Variants in NME7 observed in about 807,000 individuals in gnomAD.
NME7 encodes NME/NM23 family member 7.
A neutral mutation model predicts 49.1 loss-of-function variants in NME7; 41 were observed. The ratio of observed to expected loss-of-function variants is 0.83; its 90% CI spans 0.65 to 1.08. The LOEUF is 1.08. NME7 is among the 50% of genes least tolerant of loss of function. The pLI is 0.00. For missense variants in NME7, 423 were observed against 463.4 expected (o/e 0.91, Z 0.80); for synonymous variants, 139 against 150.6 (o/e 0.92, Z 0.56).
intron 9 of NME7, among the ~76,000 whole-genome samples, chr1:169,234,521 T>C (rs1407767450): frequency 6.6e-6 from 1 of 152,134 alleles, no homozygotes; most frequent in African/African-American, 2.4e-5. Context: ...TAGCAGGTAA[T>C]ATTTACTGAG....
At chr1:169,243,814 G>A (rs1018603613) in intron 7 of NME7, among the ~76,000 whole-genome samples, 2 of 152,102 alleles carry the variant, frequency 1.3e-5, no homozygotes, top group Admixed American at 6.6e-5. Flanking sequence ...CAGCTCAAAT[G>A]AACTAAGATA....
intron 11 of NME7, among the ~76,000 whole-genome samples, chr1:169,156,965 A>AACCATTCGCTTTCCACATGCAC (rs1286781986): frequency 1.3e-5 from 2 of 152,226 alleles, no homozygotes; most frequent in African/African-American, 4.8e-5. Context: ...AATCCATGCA[A>AACCATTCGCTTTCCACATGCAC]ACCATTCGCT....
At chr1:169,363,751 C>G (rs542697811) in intron 1 of NME7, among the ~76,000 whole-genome samples, 1 of 152,344 alleles carries the variant, frequency 6.6e-6, no homozygotes, top group East Asian at 1.9e-4. Context: ...CTCCAGATCA[C>G]TGCACTTTGT....
chr1:169,337,967 T>C (rs1253410732), intron 1 of NME7, among the ~76,000 whole-genome samples: 1 of 152,190 alleles, frequency 6.6e-6, no homozygotes, highest in Non-Finnish European at 1.5e-5. Flanking sequence ...TATTCCTTCT[T>C]CATAAATCTA....
chr1:169,174,829 C>T (rs1659705732), intron 10 of NME7, among the ~76,000 whole-genome samples: 6 of 152,030 alleles, frequency 3.9e-5, no homozygotes, highest in Admixed American at 3.9e-4. Context: ...TAGGTGAGTC[C>T]GTGAGTGAGT....
At chr1:169,142,135 C>T (rs1011401237) in intron 11 of NME7, among the ~76,000 whole-genome samples, 8 of 152,160 alleles carry the variant, frequency 5.3e-5, no homozygotes, top group African/African-American at 1.7e-4. Flanking sequence ...CTCCCTTATA[C>T]TTTAGATTTT....
chr1:169,280,093 T>C (rs1649941710), intron 7 of NME7, among the ~76,000 whole-genome samples: 1 of 152,184 alleles, frequency 6.6e-6, no homozygotes, highest in Admixed American at 6.5e-5. Context: ...TGTAAAAGCG[T>C]TCCCATTTTT....
intron 10 of NME7, among the ~76,000 whole-genome samples, chr1:169,210,944 C>A (rs1028712085): frequency 6.6e-6 from 1 of 152,028 alleles, no homozygotes; most frequent in Non-Finnish European, 1.5e-5. Flanking sequence ...ACGGGACTAT[C>A]ATATTCCTAC....
chr1:169,349,915 C>T (rs901720922), intron 1 of NME7, among the ~76,000 whole-genome samples: 1 of 151,968 alleles, frequency 6.6e-6, no homozygotes, highest in African/African-American at 2.4e-5. Flanking sequence ...AGCCCTACCT[C>T]CATGGTGTCT....
chr1:169,179,196 CAT>C (rs1335800754), intron 10 of NME7, among the ~76,000 whole-genome samples: 1 of 152,152 alleles, frequency 6.6e-6, no homozygotes, highest in Non-Finnish European at 1.5e-5. Context: ...GGCCAAAAAA[CAT>C]ATGAAATAAA....
intron 1 of NME7, among the ~76,000 whole-genome samples, chr1:169,350,368 A>C (rs1653120701): frequency 6.6e-6 from 1 of 152,042 alleles, no homozygotes; most frequent in African/African-American, 2.4e-5. Flanking sequence ...CAGGATAGAG[A>C]GGTATTAATA....
At position 169,176,354 on chromosome 1, in the gene NME7, G is replaced by A. The variant is rs539237159; in HGVS notation, c.991-6800C>T. On this transcript the variant is annotated intron_variant, in intron 10 of 11. Transcript: ENST00000367811. ...ATATAATACTAATCTCATTGAGTGA[G>A]CCACCTGCAGGTTCACAGTAAATAC... Among the ~76,000 whole-genome samples, 69 of 152,166 alleles carry A rather than the reference G, an allele frequency of 4.5e-4. 1 individual carries two copies. Among genetic ancestry groups the A allele is most frequent in the Non-Finnish European group, 8.1e-4 (55 of 68,022 alleles).
chr1:169,210,473 C>A (rs1332764528), intron 10 of NME7, among the ~76,000 whole-genome samples: 7 of 152,030 alleles, frequency 4.6e-5, no homozygotes, highest in Non-Finnish European at 1.0e-4. Context: ...TGTGTTGGTG[C>A]CCCGTGGGGG....
chr1:169,207,308 C>T (rs1402313540), intron 10 of NME7, among the ~76,000 whole-genome samples: 2 of 152,260 alleles, frequency 1.3e-5, no homozygotes, highest in Admixed American at 6.5e-5. Flanking sequence ...CATGAGGGAT[C>T]TGCCCCCAGG....
chr1:169,220,168 A>G (rs1661098208), intron 10 of NME7, among the ~76,000 whole-genome samples: 1 of 152,196 alleles, frequency 6.6e-6, no homozygotes, highest in African/African-American at 2.4e-5. Context: ...AATAATTCCA[A>G]TGAAAGGATA....
intron 11 of NME7, among the ~76,000 whole-genome samples, chr1:169,157,851 T>C (rs1291696342): frequency 1.3e-5 from 2 of 152,228 alleles, no homozygotes. Context: ...AGAAGTCTGG[T>C]GTATGTCTTC....
chr1:169,233,866 T>G (rs1484227845), intron 9 of NME7, among the ~76,000 whole-genome samples: 1 of 152,118 alleles, frequency 6.6e-6, no homozygotes, highest in Non-Finnish European at 1.5e-5. Context: ...AGAGTAAATT[T>G]TGTCTGCTCT....
chr1:169,248,535 A>C (rs1286021565), intron 7 of NME7, among the ~76,000 whole-genome samples: 1 of 151,896 alleles, frequency 6.6e-6, no homozygotes, highest in African/African-American at 2.4e-5. Flanking sequence ...TTGGGGTCCT[A>C]CTCACGAATT....
intron 1 of NME7, among the ~76,000 whole-genome samples, chr1:169,341,740 A>G (rs1317028315): frequency 1.3e-5 from 2 of 152,164 alleles, no homozygotes; most frequent in Non-Finnish European, 2.9e-5. Flanking sequence ...ATGGAATCAG[A>G]GGAGACCATT....
Sources: allele counts gnomAD v4.1 joint callset (sites outside exome capture counted in the v4.1 genomes callset), GRCh38; gene constraint gnomAD v4.1.1; transcripts MANE v1.5; gene names NCBI Gene and HGNC (gene_info 2026-07-23, HGNC 2026-07-21).